Variants in TULP3 observed in about 807,000 individuals in gnomAD.
TULP3 encodes TUB like protein 3, also known as tubby-related protein 3.
TULP3 carries 38 observed loss-of-function variants against 50.7 expected under a neutral mutation model. The ratio of observed to expected loss-of-function variants is 0.75; its 90% CI spans 0.58 to 0.98. The LOEUF (loss-of-function observed/expected upper bound fraction) is 0.98, where lower values mean the gene tolerates loss of function less well. Among genes scored for constraint, TULP3 ranks in the 50% least tolerant of loss-of-function variants. The probability of loss-of-function intolerance (pLI) is 0.00; values close to 1 mark genes in which losing one functional copy is unlikely to be tolerated. For synonymous variants in TULP3, 183 were observed against 196.6 expected (o/e 0.93, Z 0.58); for missense variants, 550 against 568.0 (o/e 0.97, Z 0.32).
chr12:2,922,368 C>T lies in TULP3; in HGVS notation c.360C>T (p.Ser120=). 6.2e-7 allele frequency: 1 copy of T among 1,614,006 alleles called. No individual in the cohort carries two copies. Among genetic ancestry groups the T allele is most frequent in the Non-Finnish European group, 8.5e-7 (1 of 1,179,998 alleles). The change falls in exon 4 of 11, where the codon TCC becomes TCT. Residue 120 remains serine (S), a synonymous_variant. Transcript: ENST00000448120. ...EDAENTVDTA[S]KPGLQERLQK... is the part of the protein sequence containing the mutation. ...CTGAAAACACCGTGGATACTGCTTC[C>T]AAGCCAGGACTTCAGGAGCGTCTCC...
Position 2,940,748 on chromosome 12 carries a change from C to T in TULP3, c.*1304C>T, listed in dbSNP as rs1203494930. On this transcript the variant is annotated 3_prime_UTR_variant, in exon 11 of 11. Transcript: ENST00000448120. The stretch of plus-strand genomic sequence containing the variant: ...GTGAAGGAGGGCCAACTGGCAGCTG[C>T]GGGACCCTTGGCTTGTCCCCCACCG... 8.5e-6 allele frequency: 13 copies of T among 1,537,478 alleles called. No homozygotes were observed. The highest frequency in any genetic ancestry group is 2.4e-5 in the South Asian group (2 of 81,800).
intron 1 of TULP3, among the ~76,000 whole-genome samples, chr12:2,892,104 G>C (rs764102985): frequency 2.9e-4 from 44 of 151,812 alleles, no homozygotes; most frequent in Admixed American, 9.2e-4. Context: ...GATTTGACGT[G>C]TAAGTATTTA....
Position 2,922,262 on chromosome 12 carries a change from G to T in TULP3, c.254G>T (p.Gly85Val), listed in dbSNP as rs149595629. ...HTPHSNVILH[G>V]IDGPAAVLKP... ...AAATTCATTTTATTTTGGCCCTTAG[G>T]TATTGATGGTCCAGCTGCTGTCCTG... is the stretch of plus-strand genomic sequence containing the variant. Residue 85 changes from glycine (G) to valine (V), a missense_variant and splice_region_variant, in exon 4 of 11, where the codon GGT becomes GTT. Transcript: ENST00000448120. 2.6e-5 allele frequency: 42 copies of T among 1,610,552 alleles called. No homozygotes were observed. The African/African-American group carries it at 5.0e-4, about 19-fold the overall frequency.
chr12:2,897,366 G>A (rs371076400), intron 1 of TULP3, among the ~76,000 whole-genome samples: 389 of 152,164 alleles, frequency 2.6e-3, no homozygotes, highest in Non-Finnish European at 4.0e-3. Flanking sequence ...TCCAACATTC[G>A]AAAGCTTTTG....
intron 4 of TULP3, among the ~76,000 whole-genome samples, chr12:2,927,512 G>A (rs577996090): frequency 2.0e-4 from 31 of 151,744 alleles, no homozygotes; most frequent in African/African-American, 7.0e-4. Flanking sequence ...GACTACAGGT[G>A]CCTGGCTAAT....
chr12:2,908,248 T>C (rs553682778), intron 1 of TULP3, among the ~76,000 whole-genome samples: 1 of 152,336 alleles, frequency 6.6e-6, no homozygotes, highest in East Asian at 1.9e-4. Flanking sequence ...TCTTCTTAAA[T>C]AGCACCTTGT....
Position 2,940,662 on chromosome 12 carries a change from C to T in TULP3, c.*1218C>T. 1 of 1,551,746 alleles carries T rather than the reference C, an allele frequency of 6.4e-7. No homozygotes were observed. The highest frequency in any genetic ancestry group is 8.7e-7 in the Non-Finnish European group (1 of 1,146,994). Reference sequence around the variant, plus strand: ...CCGTGGCGGCTGCTCCCTCAGACCTCCCTTCTGTGGACTGACCTCTCACCT... The same window carrying T: ...CCGTGGCGGCTGCTCCCTCAGACCTTCCTTCTGTGGACTGACCTCTCACCT... On this transcript the variant is annotated 3_prime_UTR_variant, in exon 11 of 11. Transcript: ENST00000448120.
At chr12:2,899,369 G>T (rs921812642) in intron 1 of TULP3, among the ~76,000 whole-genome samples, 1 of 136,308 alleles carries the variant, frequency 7.3e-6, no homozygotes, top group Non-Finnish European at 1.6e-5. Flanking sequence ...AAAAAACAGC[G>T]AAATTCATTC....
At chr12:2,907,939 G>GT (rs967517198) in intron 1 of TULP3, among the ~76,000 whole-genome samples, 5 of 152,140 alleles carry the variant, frequency 3.3e-5, no homozygotes, top group East Asian at 1.9e-4. Context: ...AGCACCCGGT[G>GT]TTTTTTTATT....
chr12:2,931,128 C>G lies in TULP3; in HGVS notation c.584C>G (p.Pro195Arg). 6.2e-7 allele frequency: 1 copy of G among 1,614,174 alleles called. No homozygotes were observed. The highest frequency in any genetic ancestry group is 8.5e-7 in the Non-Finnish European group (1 of 1,180,048). ...IDDLEDFVYS[P>R]APQGVTVRCR... The stretch of plus-strand genomic sequence containing the variant: ...GACCTGGAGGACTTTGTGTATAGTC[C>G]TGCCCCTCAAGGTGTCACAGTAAGA... Residue 195 changes from proline (P) to arginine (R), a missense_variant, in exon 6 of 11, where the codon CCT becomes CGT. Pro to Arg is a moderately radical substitution (Grantham distance 103, BLOSUM62 -2). Coordinates refer to ENST00000448120, the MANE Select transcript of TULP3 (RefSeq NM_003324.5).
At chr12:2,933,163 G>C (rs1035862881) in intron 6 of TULP3, among the ~76,000 whole-genome samples, 1 of 151,998 alleles carries the variant, frequency 6.6e-6, no homozygotes, top group African/African-American at 2.4e-5. Flanking sequence ...GGATGGTCTC[G>C]ATCTCCTGAC....
chr12:2,891,929 A>G (rs1043603809), intron 1 of TULP3, among the ~76,000 whole-genome samples: 11 of 152,168 alleles, frequency 7.2e-5, no homozygotes, highest in African/African-American at 2.4e-4. Context: ...CAGTCAATCA[A>G]TTAAAATTTG....
chr12:2,935,915 A>C (rs964417170), intron 8 of TULP3, among the ~76,000 whole-genome samples: 6 of 151,998 alleles, frequency 3.9e-5, no homozygotes, highest in African/African-American at 1.4e-4. Flanking sequence ...GGCTGCAGTG[A>C]GCCGTGATCA....
At chr12:2,922,653 G>C (rs888993054) in intron 4 of TULP3, among the ~76,000 whole-genome samples, 1 of 152,114 alleles carries the variant, frequency 6.6e-6, no homozygotes, top group Non-Finnish European at 1.5e-5. Context: ...GATGGCCATA[G>C]ATGACTGTTT....
At chr12:2,934,615 C>T in intron 8 of TULP3, 54 bp downstream of exon 8, 1 of 1,213,596 alleles carries the variant, frequency 8.2e-7, no homozygotes, top group Non-Finnish European at 1.1e-6. Flanking sequence ...CCTGCTGGCA[C>T]TTTTCACCTA....
At chr12:2,937,084 G>A (rs1419055930) in intron 8 of TULP3, among the ~76,000 whole-genome samples, 8 of 148,412 alleles carry the variant, frequency 5.4e-5, no homozygotes, top group Non-Finnish European at 1.2e-4. Flanking sequence ...CCAGCCTGGC[G>A]ACAGAGCGTG....
chr12:2,939,218 A>G lies in TULP3; in HGVS notation c.1196-93A>G. The G allele has an allele frequency of 7.0e-7, 1 of 1,434,652 alleles. No homozygotes were observed. Among genetic ancestry groups the G allele is most frequent in the Non-Finnish European group, 9.6e-7 (1 of 1,045,362 alleles). 88.9% of individuals were successfully genotyped at this position (1,434,652 alleles called of 1,614,324 possible). On this transcript the variant is annotated intron_variant, in intron 10 of 10. Coordinates refer to ENST00000448120, the MANE Select transcript of TULP3 (RefSeq NM_003324.5). The surrounding 1 kb of genome is among the most constrained non-coding windows in gnomAD (Gnocchi z 4.0). ...TAGGCTCCAGCCAGGGCGACAGAGC[A>G]AAACCCCATCTAAGAAAAGGAAGAA...
At chr12:2,920,643 G>A in intron 2 of TULP3, 120 bp from the exon 3 acceptor site, 13 of 1,275,300 alleles carry the variant, frequency 1.0e-5, no homozygotes, top group Non-Finnish European at 1.3e-5. Context: ...TTCTTAAATG[G>A]GGAAAAAATA....
At chr12:2,908,587 C>T (rs1257961980) in intron 1 of TULP3, among the ~76,000 whole-genome samples, 1 of 140,176 alleles carries the variant, frequency 7.1e-6, no homozygotes, top group East Asian at 2.2e-4. Flanking sequence ...CCACACCTGG[C>T]TAATTTTTTG....
Sources: allele counts gnomAD v4.1 joint callset (sites outside exome capture counted in the v4.1 genomes callset), GRCh38; gene constraint gnomAD v4.1.1; non-coding constraint Gnocchi (gnomAD v3.1); transcripts MANE v1.5; gene names NCBI Gene and HGNC (gene_info 2026-07-23, HGNC 2026-07-21).